The following TM2D3 variants were observed in gnomAD, a reference collection of about 807,000 sequenced individuals.
TM2D3 encodes the protein TM2 domain containing 3, also known as TM2 domain-containing protein 3.
Under a neutral mutation model 27.3 loss-of-function variants are expected in TM2D3, and 33 were observed. That is an observed-to-expected ratio of 1.21 (90% confidence interval 0.92 to 1.61). TM2D3 has a LOEUF of 1.61. TM2D3 is among the 40% of genes most tolerant of loss of function. The pLI is 0.00. For synonymous variants in TM2D3, 138 were observed against 122.2 expected (o/e 1.13, Z -0.85); for missense variants, 364 against 320.8 (o/e 1.13, Z -1.03).
chr15:101,634,010 AG>A, intron 4 of TM2D3: 1 of 306,460 alleles, frequency 3.3e-6, no homozygotes, highest in Non-Finnish European at 5.9e-6. Context: ...AGATATAAAA[AG>A]GTACCAAGGG....
chr15:101,639,387 T>A (rs559587766), downstream of TM2D3, among the ~76,000 whole-genome samples: 7 of 152,122 alleles, frequency 4.6e-5, no homozygotes, highest in East Asian at 1.4e-3. Flanking sequence ...GGTGTTTTTT[T>A]TTTTCCTTTT....
At chr15:101,638,329 T>C (rs1896594136), downstream of TM2D3, among the ~76,000 whole-genome samples, 1 of 151,862 alleles carries the variant, frequency 6.6e-6, no homozygotes, top group Non-Finnish European at 1.5e-5. Context: ...AGTTTCGCTC[T>C]TGTTGCCCAG....
chr15:101,649,039 A>T (rs986438065), intron 3 of TM2D3, among the ~76,000 whole-genome samples: 10 of 152,344 alleles, frequency 6.6e-5, no homozygotes, highest in Non-Finnish European at 1.2e-4. Flanking sequence ...AGTTAATCAA[A>T]TTAAAAAAAA....
chr15:101,649,304 C>T (rs1567313765), intron 3 of TM2D3, among the ~76,000 whole-genome samples: 1 of 146,628 alleles, frequency 6.8e-6, no homozygotes, highest in Non-Finnish European at 1.5e-5. Flanking sequence ...TGCCTTTATG[C>T]TTTTTTTTTT....
chr15:101,650,293 G>A lies in TM2D3; in HGVS notation c.170-132C>T. ...CTGGAAGGGAAGAAGCATGGGACTGGAGTCAGAGACACCTGCAATTAAAGC... is the reference window on the plus strand; with the variant it reads ...CTGGAAGGGAAGAAGCATGGGACTGAAGTCAGAGACACCTGCAATTAAAGC... On this transcript the variant is annotated intron_variant, in intron 2 of 5. Transcript: ENST00000333202. 3.4e-6 allele frequency: 3 copies of A among 884,348 alleles called. No individual in the cohort carries two copies. In the South Asian group the frequency reaches 6.3e-5, roughly 18 times the overall value. The allele number at this position is 884,348 out of a possible 1,614,324, so 54.8% of individuals were successfully genotyped here. A position where few individuals can be genotyped will look rare whatever the true frequency, so the allele number is the denominator to read the frequency against.
chr15:101,634,098 G>A (rs1488316855), intron 4 of TM2D3: 1 of 165,188 alleles, frequency 6.1e-6, no homozygotes, highest in East Asian at 1.7e-4. Flanking sequence ...AGAGATGATA[G>A]AGGAACGAAA....
intron 1 of TM2D3, 117 bp from the exon 2 acceptor site, chr15:101,651,890 C>A (rs1896985965): frequency 9.9e-7 from 1 of 1,014,760 alleles, no homozygotes; most frequent in Admixed American, 1.8e-5. Flanking sequence ...ATGAAAACCT[C>A]ACGGCTGGTC....
In TM2D3 at chr15:101,652,304, A is replaced by G; in HGVS notation, c.58T>C (p.Phe20Leu). 1 of 1,603,788 alleles carries G rather than the reference A, an allele frequency of 6.2e-7. No homozygotes were observed. The highest frequency in any genetic ancestry group is 8.5e-7 in the Non-Finnish European group (1 of 1,175,644). Residue 20 changes from phenylalanine to leucine, a missense_variant, in exon 1 of 6, where the codon TTC becomes CTC. Phe to Leu is a conservative substitution (Grantham distance 22). Transcript: ENST00000333202. ...GLRALCRVLL[F>L]LSQFCILSGG... is the part of the protein sequence containing the mutation. ...GACAGAATGCAGAACTGCGAGAGGAAGAGCAGCACGCGACACAAGGCGCGG... is the reference window on the plus strand; with the variant it reads ...GACAGAATGCAGAACTGCGAGAGGAGGAGCAGCACGCGACACAAGGCGCGG...
At chr15:101,638,946 G>C (rs1896608639), downstream of TM2D3, among the ~76,000 whole-genome samples, 1 of 152,166 alleles carries the variant, frequency 6.6e-6, no homozygotes, top group African/African-American at 2.4e-5. Flanking sequence ...CCTAGTCACT[G>C]TGCACCTGCT....
chr15:101,644,458 C>G (rs1463577489), intron 5 of TM2D3, among the ~76,000 whole-genome samples: 8 of 152,212 alleles, frequency 5.3e-5, no homozygotes, highest in Non-Finnish European at 1.2e-4. Flanking sequence ...AGTGATGAGG[C>G]TGAGAAATCC....
At chr15:101,648,337 A>T (rs1159738334) in intron 3 of TM2D3, 1 of 152,226 alleles carries the variant, frequency 6.6e-6, no homozygotes, top group Non-Finnish European at 1.5e-5. Flanking sequence ...TCAATGCAAA[A>T]ACCACTTTTT....
chr15:101,642,635 G>A lies in TM2D3; in HGVS notation c.588C>T (p.Leu196=), dbSNP rs761129088. 1.1e-4 allele frequency: 184 copies of A among 1,602,082 alleles called. No individual in the cohort carries two copies. Among genetic ancestry groups the A allele is most frequent in the South Asian group, 2.1e-4 (19 of 89,742 alleles). The change falls in exon 6 of 6, where the codon CTC becomes CTT. Residue 196 remains leucine (L), a synonymous_variant. Transcript: ENST00000333202. ...WSTALALSIT[L]GGFGADRFYL... ...AGAAACGGTCTGCTCCAAACCCACC[G>A]AGGGTGATGCTGCGATGGCAAACAG... is the stretch of plus-strand genomic sequence containing the variant.
downstream of TM2D3, among the ~76,000 whole-genome samples, chr15:101,641,622 TAA>T (rs1436298612): frequency 6.6e-6 from 1 of 152,188 alleles, no homozygotes; most frequent in African/African-American, 2.4e-5. Context: ...CAAGCTTGAG[TAA>T]AAATCTTTTT....
chr15:101,639,397 T>A (rs1896619460), downstream of TM2D3, among the ~76,000 whole-genome samples: 1 of 152,014 alleles, frequency 6.6e-6, no homozygotes, highest in Non-Finnish European at 1.5e-5. Flanking sequence ...TTTTTCCTTT[T>A]TATGCATATT....
chr15:101,645,901 G>A (rs1439920771), intron 4 of TM2D3: 3 of 151,742 alleles, frequency 2.0e-5, no homozygotes, highest in African/African-American at 2.4e-5. Context: ...ACAACTTTAA[G>A]ACCAAATTTA....
intron 4 of TM2D3, chr15:101,645,826 AT>A (rs1896791215): frequency 2.0e-5 from 3 of 151,142 alleles, no homozygotes; most frequent in African/African-American, 7.3e-5. Context: ...AAAAAAAAAA[AT>A]CAAAATCTGG....
intron 1 of TM2D3, 66 bp downstream of exon 1, chr15:101,652,205 C>A: frequency 6.9e-7 from 1 of 1,444,248 alleles, no homozygotes; most frequent in Non-Finnish European, 9.6e-7. Flanking sequence ...GCCCGGCCTC[C>A]TCGCAGCTCC....
exon 5 of TM2D3, chr15:101,633,070 C>G (rs1896483721): frequency 6.6e-6 from 1 of 152,108 alleles, no homozygotes; most frequent in Admixed American, 6.6e-5. Context: ...CTATGTTTGG[C>G]AAAACTAACT....
intron 3 of TM2D3, 70 bp downstream of exon 3, chr15:101,649,931 TCAA>T: frequency 7.3e-7 from 1 of 1,371,980 alleles, no homozygotes; most frequent in African/African-American, 1.5e-5. Flanking sequence ...TTCCCAATAA[TCAA>T]GTCTGAATTG....
Sources: allele counts gnomAD v4.1 joint callset (sites outside exome capture counted in the v4.1 genomes callset), GRCh38; gene constraint gnomAD v4.1.1; transcripts MANE v1.5; gene names NCBI Gene and HGNC (gene_info 2026-07-23, HGNC 2026-07-21).